GALNTL6: variants seen among roughly 807,000 people sequenced by gnomAD.
The protein encoded by GALNTL6 is polypeptide N-acetylgalactosaminyltransferase like 6, also known as polypeptide N-acetylgalactosaminyltransferase-like 6.
GALNTL6 carries 46 observed loss-of-function variants against 73.7 expected under a neutral mutation model. That is an observed-to-expected ratio of 0.62 (90% CI 0.49 to 0.80). GALNTL6 has a LOEUF of 0.80. GALNTL6 is among the 30% of genes least tolerant of loss of function. GALNTL6 has a pLI of 0.00. For missense variants in GALNTL6, 604 were observed against 755.0 expected (o/e 0.80, Z 2.34); for synonymous variants, 259 against 263.7 (o/e 0.98, Z 0.17).
chr4:172,059,640 A>C lies in GALNTL6; in HGVS notation c.139-170016A>C, dbSNP rs192712490. ...ACAAAAAAGATTTTGGAGCTGAAAA[A>C]AAGTCATGATTCTCAGATTTTAAAA... is the stretch of plus-strand genomic sequence containing the variant. On this transcript the variant is annotated intron_variant, in intron 2 of 12. Transcript: ENST00000506823. Among the ~76,000 whole-genome samples the C allele has an allele frequency of 2.8e-3, 434 of 152,308 alleles. 3 individuals carry two copies. Among genetic ancestry groups the C allele is most frequent in the African/African-American group, 9.7e-3 (404 of 41,568 alleles).
Position 172,957,151 on chromosome 4 carries a change from G to A in GALNTL6, c.1371+4893G>A, listed in dbSNP as rs190904206. ...CAGTCCTGGGCGGGAGCAAATCCCC[G>A]AGCTTGATGTGTAGGGAAGGGAGGG... On this transcript the variant is annotated intron_variant, in intron 10 of 12. Transcript: ENST00000506823. Among the ~76,000 whole-genome samples the A allele has an allele frequency of 3.6e-3, 554 of 152,284 alleles. 7 individuals are homozygous for A. Among genetic ancestry groups the A allele is most frequent in the African/African-American group, 0.012 (513 of 41,548 alleles).
At chr4:172,659,200 A>G (rs1362851446) in intron 5 of GALNTL6, among the ~76,000 whole-genome samples, 1 of 151,616 alleles carries the variant, frequency 6.6e-6, no homozygotes, top group African/African-American at 2.4e-5. Context: ...GCCTTCTTTT[A>G]TTCAATAATC....
chr4:172,622,723 G>A (rs2332544), intron 5 of GALNTL6, among the ~76,000 whole-genome samples: 86,338 of 151,860 alleles, frequency 0.57, 26,471 homozygotes, highest in East Asian at 0.93. Context: ...TCCCCAGGAT[G>A]AGCATGAAAA....
chr4:172,627,114 A>T (rs1226216618), intron 5 of GALNTL6, among the ~76,000 whole-genome samples: 2 of 152,090 alleles, frequency 1.3e-5, no homozygotes, highest in African/African-American at 4.8e-5. Context: ...TCCATTCAAT[A>T]TGATGTTGGC....
chr4:172,393,945 T>C (rs949856313), intron 5 of GALNTL6, among the ~76,000 whole-genome samples: 3 of 152,198 alleles, frequency 2.0e-5, no homozygotes, highest in Admixed American at 6.5e-5. Flanking sequence ...AAATGGAATA[T>C]ATATTATTCC....
chr4:172,334,907 G>T (rs1433923336), intron 4 of GALNTL6, among the ~76,000 whole-genome samples: 1 of 151,472 alleles, frequency 6.6e-6, no homozygotes, highest in African/African-American at 2.4e-5. Context: ...TGCCTAGTTT[G>T]TTGAAGGTTT....
intron 11 of GALNTL6, among the ~76,000 whole-genome samples, chr4:173,015,045 C>A (rs747122111): frequency 1.3e-5 from 2 of 152,154 alleles, no homozygotes; most frequent in Non-Finnish European, 2.9e-5. Flanking sequence ...TTCTATAAGG[C>A]GCTTTTCCCC....
intron 4 of GALNTL6, among the ~76,000 whole-genome samples, chr4:172,340,007 C>G: frequency 6.6e-6 from 1 of 152,114 alleles, no homozygotes; most frequent in East Asian, 1.9e-4. Context: ...TTGAATTGTT[C>G]TAGCTAGGAT....
At chr4:172,356,759 T>C (rs1742176991) in intron 5 of GALNTL6, among the ~76,000 whole-genome samples, 1 of 152,198 alleles carries the variant, frequency 6.6e-6, no homozygotes, top group South Asian at 2.1e-4. Context: ...CAGCAACTGA[T>C]AAAGATGAAG....
intron 2 of GALNTL6, among the ~76,000 whole-genome samples, chr4:172,056,533 A>T (rs1731023622): frequency 1.3e-5 from 2 of 152,038 alleles, no homozygotes; most frequent in Admixed American, 1.3e-4. Flanking sequence ...CATTTTTAGG[A>T]CTCAATATAC....
At chr4:171,942,053 T>A (rs984226459) in intron 2 of GALNTL6, among the ~76,000 whole-genome samples, 2 of 152,076 alleles carry the variant, frequency 1.3e-5, no homozygotes, top group African/African-American at 4.8e-5. Flanking sequence ...TATTTCTTGG[T>A]TTATGCTATA....
At chr4:172,803,181 A>G (rs1560963187) in intron 5 of GALNTL6, among the ~76,000 whole-genome samples, 1 of 152,194 alleles carries the variant, frequency 6.6e-6, no homozygotes, top group African/African-American at 2.4e-5. Context: ...AGTTATACCT[A>G]AAGCTGGGGT....
intron 2 of GALNTL6, among the ~76,000 whole-genome samples, chr4:171,908,378 C>A (rs1737361809): frequency 6.6e-6 from 1 of 151,858 alleles, no homozygotes; most frequent in Admixed American, 6.6e-5. Flanking sequence ...TTTATGCAGC[C>A]AAAAAACACA....
Position 172,903,455 on chromosome 4 carries a change from T to TAG in GALNTL6, c.1041+20550_1041+20551dup, listed in dbSNP as rs199519655. Among the ~76,000 whole-genome samples, 882 of 152,296 alleles carry TAG rather than the reference T, an allele frequency of 5.8e-3. 10 individuals are homozygous for TAG. The highest frequency in any genetic ancestry group is 0.02 in the African/African-American group (826 of 41,564). On this transcript the variant is annotated intron_variant, in intron 8 of 12. Transcript: ENST00000506823. Reference sequence around the variant, plus strand: ...GCAGAAAAAGGCAAAGGAAGCCCAGTAGAAGCCTATGGATCAAGTACAACT... The same window carrying TAG: ...GCAGAAAAAGGCAAAGGAAGCCCAGTAGAGAAGCCTATGGATCAAGTACAACT...
chr4:171,952,308 T>A (rs752427086), intron 2 of GALNTL6, among the ~76,000 whole-genome samples: 22 of 152,014 alleles, frequency 1.4e-4, no homozygotes, highest in Non-Finnish European at 2.5e-4. Flanking sequence ...GAATTGTGAA[T>A]CCAAAATTTT....
At chr4:172,013,212 A>G (rs1741076334) in intron 2 of GALNTL6, among the ~76,000 whole-genome samples, 1 of 152,020 alleles carries the variant, frequency 6.6e-6, no homozygotes, top group Non-Finnish European at 1.5e-5. Flanking sequence ...AGCTTTTTAA[A>G]TATATACAAT....
chr4:171,860,332 A>C (rs1735800093), intron 2 of GALNTL6, among the ~76,000 whole-genome samples: 1 of 152,116 alleles, frequency 6.6e-6, no homozygotes, highest in Admixed American at 6.6e-5. Context: ...GTCTTGCTCT[A>C]CTCCCTCTAC....
chr4:172,853,030 T>G (rs1211719245), intron 7 of GALNTL6, among the ~76,000 whole-genome samples: 1 of 152,232 alleles, frequency 6.6e-6, no homozygotes, highest in African/African-American at 2.4e-5. Context: ...TTTCACAAAA[T>G]TAACGACTTA....
chr4:172,026,886 T>C (rs774919686), intron 2 of GALNTL6, among the ~76,000 whole-genome samples: 1 of 152,118 alleles, frequency 6.6e-6, no homozygotes, highest in Non-Finnish European at 1.5e-5. Context: ...TCTTATTTTA[T>C]TTATTTATTT....
Sources: allele counts gnomAD v4.1 joint callset (sites outside exome capture counted in the v4.1 genomes callset), GRCh38; gene constraint gnomAD v4.1.1; transcripts MANE v1.5; gene names NCBI Gene and HGNC (gene_info 2026-07-23, HGNC 2026-07-21).